Variants in DPP4 observed in about 807,000 individuals in gnomAD.
The protein encoded by DPP4 is ADCP-2.
Under a neutral mutation model 122.4 loss-of-function variants are expected in DPP4, and 93 were observed. The ratio of observed to expected loss-of-function variants is 0.76; its 90% CI spans 0.64 to 0.90. DPP4 has a LOEUF of 0.90. Among genes scored for constraint, DPP4 ranks in the 40% least tolerant of loss-of-function variants. The pLI, the probability that DPP4 is intolerant of heterozygous loss-of-function variation, is 0.00. For synonymous variants in DPP4, 321 were observed against 302.9 expected (o/e 1.06, Z -0.62); for missense variants, 914 against 907.3 (o/e 1.01, Z -0.09).
intron 20 of DPP4, 31 bp from the exon 21 acceptor site, chr2:162,009,326 G>T (rs774995300): frequency 6.2e-7 from 1 of 1,600,030 alleles, no homozygotes; most frequent in Admixed American, 1.7e-5. Context: ...CCACAGATCA[G>T]TACTGCATTG....
intron 4 of DPP4, among the ~76,000 whole-genome samples, chr2:162,046,162 A>G (rs1307237580): frequency 6.6e-6 from 1 of 151,940 alleles, no homozygotes; most frequent in African/African-American, 2.4e-5. Flanking sequence ...CGGAGGGCTG[A>G]TATCAGCCTA....
chr2:162,030,566 C>G (rs1358920059), intron 10 of DPP4, among the ~76,000 whole-genome samples: 5 of 152,200 alleles, frequency 3.3e-5, no homozygotes, highest in African/African-American at 7.2e-5. Flanking sequence ...GAGCAGGTTA[C>G]TAAGAGGCGT....
intron 2 of DPP4, among the ~76,000 whole-genome samples, chr2:162,051,526 T>C (rs1245683052): frequency 6.6e-6 from 1 of 152,222 alleles, no homozygotes; most frequent in Non-Finnish European, 1.5e-5. Context: ...CTGTGGAAAG[T>C]TGTTAAAAAC....
intron 2 of DPP4, among the ~76,000 whole-genome samples, chr2:162,048,827 C>T (rs1208471567): frequency 6.6e-6 from 1 of 152,176 alleles, no homozygotes. Flanking sequence ...CTCAGTTAGG[C>T]CATGTAGTCT....
intron 5 of DPP4, among the ~76,000 whole-genome samples, chr2:162,039,484 A>G (rs1004211462): frequency 6.6e-6 from 1 of 152,104 alleles, no homozygotes; most frequent in Non-Finnish European, 1.5e-5. Flanking sequence ...GTGTGCTAAG[A>G]TTGCCTACTT....
At chr2:162,036,553 A>G (rs1341330140) in intron 8 of DPP4, among the ~76,000 whole-genome samples, 1 of 151,980 alleles carries the variant, frequency 6.6e-6, no homozygotes, top group Admixed American at 6.6e-5. Flanking sequence ...ACCAACCCAA[A>G]TCTCCTTTGA....
At chr2:162,038,011 T>C (rs1046621544) in intron 8 of DPP4, among the ~76,000 whole-genome samples, 6 of 152,156 alleles carry the variant, frequency 3.9e-5, no homozygotes, top group African/African-American at 1.4e-4. Flanking sequence ...TGGAGGCTTT[T>C]ATGTTCCAGT....
intron 2 of DPP4, among the ~76,000 whole-genome samples, chr2:162,050,422 T>C (rs2106139427): frequency 6.6e-6 from 1 of 152,244 alleles, no homozygotes; most frequent in Middle Eastern, 3.4e-3. Flanking sequence ...ACCCATCATC[T>C]CTACCACATT....
intron 11 of DPP4, among the ~76,000 whole-genome samples, chr2:162,023,011 C>A (rs982067960): frequency 6.6e-6 from 1 of 152,178 alleles, no homozygotes; most frequent in Non-Finnish European, 1.5e-5. Flanking sequence ...CTTCTGGAAG[C>A]TCCACTGGTG....
intron 2 of DPP4, among the ~76,000 whole-genome samples, chr2:162,051,501 C>G (rs60851734): frequency 6.6e-6 from 1 of 152,256 alleles, no homozygotes; most frequent in South Asian, 2.1e-4. Context: ...GAAATGTGCT[C>G]GTTACGGCAC....
intron 5 of DPP4, 111 bp downstream of exon 5, chr2:162,045,421 C>A: frequency 4.0e-6 from 3 of 755,246 alleles, no homozygotes; most frequent in East Asian, 2.6e-5. Context: ...GTTTTAGTGC[C>A]TATTACATTA....
chr2:162,022,398 T>C (rs560208190), intron 12 of DPP4, among the ~76,000 whole-genome samples: 2 of 152,328 alleles, frequency 1.3e-5, no homozygotes, highest in Admixed American at 1.3e-4. Context: ...GGACAGAACC[T>C]GTGTTTTCTG....
chr2:162,028,039 A>G (rs1576049365), intron 10 of DPP4, among the ~76,000 whole-genome samples: 1 of 150,072 alleles, frequency 6.7e-6, no homozygotes, highest in East Asian at 2.1e-4. Flanking sequence ...TGCCAGTCTG[A>G]GATGTCAAAG....
intron 23 of DPP4, among the ~76,000 whole-genome samples, chr2:162,002,120 C>A (rs1701164558): frequency 6.6e-6 from 1 of 152,194 alleles, no homozygotes; most frequent in South Asian, 2.1e-4. Context: ...TGGTTTGACA[C>A]AGCCCTGGAG....
At chr2:162,073,205 T>C (rs1200797855) in intron 2 of DPP4, 194 bp downstream of exon 2, 1 of 531,258 alleles carries the variant, frequency 1.9e-6, no homozygotes, top group African/African-American at 1.9e-5. Context: ...AGTTTCAGCC[T>C]AAACACTGAA....
At position 162,025,680 on chromosome 2, in the gene DPP4, C is replaced by T. The variant is rs191127263; in HGVS notation, c.888-741G>A. On this transcript the variant is annotated intron_variant, in intron 10 of 25. Transcript: ENST00000360534. Reference sequence around the variant, plus strand: ...TCATTGTTTACTTTTCTGCTGGCCTCCCTCACATTATTGGCAATGGATAGT... The same window carrying T: ...TCATTGTTTACTTTTCTGCTGGCCTTCCTCACATTATTGGCAATGGATAGT... Among the ~76,000 whole-genome samples the T allele has an allele frequency of 2.4e-3, 361 of 152,270 alleles. 2 individuals carry two copies. Among genetic ancestry groups the T allele is most frequent in the African/African-American group, 8.0e-3 (334 of 41,552 alleles).
intron 18 of DPP4, among the ~76,000 whole-genome samples, chr2:162,016,298 G>A (rs931961084): frequency 1.3e-5 from 2 of 152,168 alleles, no homozygotes; most frequent in Admixed American, 6.5e-5. Context: ...CAATCAAGCC[G>A]GGACCACACT....
Position 162,020,106 on chromosome 2 carries a change from A to C in DPP4, c.1244+123T>G, listed in dbSNP as rs1683067383. 2.5e-6 allele frequency: 2 copies of C among 789,000 alleles called. 1 individual carries two copies. The highest frequency in any genetic ancestry group is 3.7e-5 in the South Asian group (2 of 53,414). The allele number at this position is 789,000 out of a possible 1,614,324, so 48.9% of individuals were successfully genotyped here. The stretch of plus-strand genomic sequence containing the variant: ...GCTTCCGTATGTTAAAAAGAAAAAA[A>C]GTATTGAACACATTCCAAAAAGACT... On this transcript the variant is annotated intron_variant, in intron 14 of 25. Coordinates refer to ENST00000360534, the MANE Select transcript of DPP4 (RefSeq NM_001935.4).
At chr2:162,033,805 C>A in intron 9 of DPP4, 152 bp from the exon 10 acceptor site, 1 of 444,472 alleles carries the variant, frequency 2.2e-6, no homozygotes, top group Non-Finnish European at 3.9e-6. Context: ...ATAAAATGAA[C>A]ATAAGGGAGA....
Sources: allele counts gnomAD v4.1 joint callset (sites outside exome capture counted in the v4.1 genomes callset), GRCh38; gene constraint gnomAD v4.1.1; transcripts MANE v1.5; gene names NCBI Gene and HGNC (gene_info 2026-07-23, HGNC 2026-07-21).